Variants in NBEA observed in about 807,000 individuals in gnomAD.
The protein encoded by NBEA is lysosomal-trafficking regulator 2.
In NBEA, 44 loss-of-function variants were observed where a neutral mutation model predicts 343.4. The observed-to-expected ratio is 0.13, with a 90% CI of 0.10 to 0.16. The LOEUF is 0.16. Among genes scored for constraint, NBEA ranks in the 10% least tolerant of loss-of-function variants. The probability of loss-of-function intolerance (pLI) is 1.00; values close to 1 mark genes in which losing one functional copy is unlikely to be tolerated. For missense variants in NBEA, 2,555 were observed against 3,631.3 expected (o/e 0.70, Z 7.62); for synonymous variants, 1,175 against 1,238.7 (o/e 0.95, Z 1.08).
At position 35,172,454 on chromosome 13, in the gene NBEA, G is replaced by GAT. The variant is rs150142004; in HGVS notation, c.4424-997_4424-996dup. On this transcript the variant is annotated intron_variant, in intron 26 of 58. Coordinates refer to ENST00000379939, the MANE Select transcript of NBEA (RefSeq NM_001385012.1). ...TGTCAAATGAACTGTGTGAGAAAGA[G>GAT]ATATATATATATATTTTTAAAATGG... is the stretch of plus-strand genomic sequence containing the variant. Among the ~76,000 whole-genome samples the GAT allele has an allele frequency of 7.8e-3, 1,179 of 151,172 alleles. 13 individuals carry two copies. The highest frequency in any genetic ancestry group is 0.025 in the African/African-American group (1,014 of 41,260).
chr13:35,662,803 A>G (rs1172919979), intron 55 of NBEA, among the ~76,000 whole-genome samples: 1 of 152,110 alleles, frequency 6.6e-6, no homozygotes, highest in Non-Finnish European at 1.5e-5. Context: ...ATAGGATCAG[A>G]TTGCTTTTTA....
intron 35 of NBEA, among the ~76,000 whole-genome samples, chr13:35,309,002 A>C (rs964107207): frequency 6.6e-6 from 1 of 151,952 alleles, no homozygotes; most frequent in Non-Finnish European, 1.5e-5. Flanking sequence ...GTTAATTTGT[A>C]ACTTTTTTCT....
intron 20 of NBEA, 47 bp from the exon 21 acceptor site, chr13:35,157,031 A>C: frequency 1.4e-6 from 2 of 1,397,494 alleles, no homozygotes; most frequent in Non-Finnish European, 1.9e-6. Context: ...AGTAAATTCT[A>C]ACTTAATTTG....
chr13:35,160,567 T>G (rs1299420175), intron 22 of NBEA, among the ~76,000 whole-genome samples: 3 of 152,138 alleles, frequency 2.0e-5, no homozygotes, highest in African/African-American at 7.2e-5. Context: ...TGTTTTCAGA[T>G]TTAATCCTCA....
intron 41 of NBEA, among the ~76,000 whole-genome samples, chr13:35,527,111 CT>C (rs1291939985): frequency 6.6e-6 from 1 of 152,152 alleles, no homozygotes. Context: ...GTTAACAGCT[CT>C]TTCGGTCATC....
At chr13:35,637,602 T>A (rs2083747911) in intron 49 of NBEA, among the ~76,000 whole-genome samples, 1 of 151,980 alleles carries the variant, frequency 6.6e-6, no homozygotes, top group Non-Finnish European at 1.5e-5. Flanking sequence ...GGCAGGCGGA[T>A]CACAAGGTCA....
At chr13:35,203,547 TC>T (rs1313663306) in intron 31 of NBEA, among the ~76,000 whole-genome samples, 1 of 152,198 alleles carries the variant, frequency 6.6e-6, no homozygotes, top group Non-Finnish European at 1.5e-5. Context: ...AAATGTCAGT[TC>T]CATGAGAGCA....
intron 8 of NBEA, among the ~76,000 whole-genome samples, chr13:35,060,866 A>G (rs2063443712): frequency 6.6e-6 from 1 of 151,702 alleles, no homozygotes; most frequent in African/African-American, 2.4e-5. Flanking sequence ...AGAGGGCTAC[A>G]GTGGAATTTT....
At chr13:35,361,866 A>G (rs761221446) in intron 38 of NBEA, among the ~76,000 whole-genome samples, 4 of 151,982 alleles carry the variant, frequency 2.6e-5, no homozygotes, top group Non-Finnish European at 5.9e-5. Context: ...CAAACAGATC[A>G]GTGGTTTTCA....
At chr13:35,585,513 G>C (rs9600999) in intron 46 of NBEA, among the ~76,000 whole-genome samples, 16,161 of 151,856 alleles carry the variant, frequency 0.11, 1,052 homozygotes, top group African/African-American at 0.18. Flanking sequence ...TGTTCAGATT[G>C]TTTTTCCTTA....
At chr13:35,435,660 A>G (rs562016402) in intron 39 of NBEA, among the ~76,000 whole-genome samples, 1 of 152,296 alleles carries the variant, frequency 6.6e-6, no homozygotes, top group African/African-American at 2.4e-5. Flanking sequence ...ATTATTTCAG[A>G]TATTGTTTAA....
intron 35 of NBEA, among the ~76,000 whole-genome samples, chr13:35,308,007 G>A (rs917027203): frequency 2.0e-5 from 3 of 151,958 alleles, no homozygotes; most frequent in African/African-American, 7.2e-5. Context: ...CTATCCCCAA[G>A]TTACCATATC....
intron 36 of NBEA, among the ~76,000 whole-genome samples, chr13:35,313,861 T>G (rs1442245096): frequency 6.6e-6 from 1 of 152,184 alleles, no homozygotes; most frequent in Non-Finnish European, 1.5e-5. Context: ...AGCAAGTACT[T>G]CGCTAAAGAA....
intron 10 of NBEA, among the ~76,000 whole-genome samples, chr13:35,074,747 T>TAGTAAAAAGGTTAC (rs2064037267): frequency 6.6e-6 from 1 of 152,158 alleles, no homozygotes; most frequent in Non-Finnish European, 1.5e-5. Context: ...TACATATAAA[T>TAGTAAAAAGGTTAC]AGTAAAAAGG....
chr13:34,951,706 A>G (rs1010905670), intron 1 of NBEA, among the ~76,000 whole-genome samples: 4 of 152,160 alleles, frequency 2.6e-5, no homozygotes, highest in Admixed American at 1.3e-4. Context: ...TGGAAGAGGC[A>G]AGAGGTAACA....
At chr13:35,309,023 A>T (rs975441357) in intron 35 of NBEA, among the ~76,000 whole-genome samples, 2 of 152,022 alleles carry the variant, frequency 1.3e-5, no homozygotes, top group African/African-American at 4.8e-5. Flanking sequence ...AATTAGCATT[A>T]AATAATTAGC....
intron 38 of NBEA, among the ~76,000 whole-genome samples, chr13:35,401,276 T>C (rs2042991932): frequency 6.6e-6 from 1 of 151,962 alleles, no homozygotes; most frequent in Admixed American, 6.6e-5. Flanking sequence ...TCTGCCTTCA[T>C]GAGCAAGTAG....
intron 1 of NBEA, 147 bp downstream of exon 1, chr13:34,943,261 G>A (rs1301095766): frequency 1.8e-6 from 2 of 1,084,192 alleles, no homozygotes; most frequent in Non-Finnish European, 2.7e-6. Flanking sequence ...TGCCCAGCGG[G>A]TGACCTGCCT....
intron 38 of NBEA, among the ~76,000 whole-genome samples, chr13:35,362,220 T>G (rs2152875486): frequency 6.6e-6 from 1 of 152,050 alleles, no homozygotes; most frequent in East Asian, 1.9e-4. Flanking sequence ...CAGCTCAGAT[T>G]ATCTGTTATT....
Sources: allele counts gnomAD v4.1 joint callset (sites outside exome capture counted in the v4.1 genomes callset), GRCh38; gene constraint gnomAD v4.1.1; transcripts MANE v1.5; gene names NCBI Gene and HGNC (gene_info 2026-07-23, HGNC 2026-07-21).